Variants in TAF1 observed in about 807,000 individuals in gnomAD.
TAF1 encodes TATA-box binding protein associated factor 1, also known as transcription initiation factor TFIID subunit 1.
A neutral mutation model predicts 138.5 loss-of-function variants in TAF1; 2 were observed. The observed-to-expected ratio is 0.01, with a 90% CI of 0.01 to 0.05. The LOEUF (loss-of-function observed/expected upper bound fraction) is 0.05, where lower values mean the gene tolerates loss of function less well. TAF1 is among the 10% of genes least tolerant of loss of function. The pLI is 1.00. For synonymous variants in TAF1, 437 were observed against 503.2 expected, an observed-to-expected ratio of 0.87 and a Z score of 1.76; for missense variants, 709 against 1,478.0, an observed-to-expected ratio of 0.48 and a Z score of 8.53.
chrX:71,467,776 T>C (rs1263486443), downstream of TAF1, among the ~76,000 whole-genome samples: 2 of 111,871 alleles, frequency 1.8e-5, no homozygotes, highest in Non-Finnish European at 3.8e-5. Context: ...ATTCGTAACA[T>C]CACTAAGTGG....
At chrX:71,409,171 C>T (rs1263264814) in intron 28 of TAF1, among the ~76,000 whole-genome samples, 1 of 110,802 alleles carries the variant, frequency 9.0e-6, no homozygotes, top group Non-Finnish European at 1.9e-5. Context: ...GCTGAGAAGA[C>T]AAAGAGGAAG....
intron 23 of TAF1, 115 bp from the exon 24 acceptor site, chrX:71,398,452 TTTATC>T: frequency 5.1e-6 from 5 of 971,092 alleles, no homozygotes; most frequent in Non-Finnish European, 6.9e-6. Flanking sequence ...TGTAGCCCCT[TTTATC>T]TTAGCCTGGA....
At chrX:71,423,785 A>G (rs2036469398) in intron 30 of TAF1, among the ~76,000 whole-genome samples, 189 bp from the exon 31 acceptor site, 2 of 111,953 alleles carry the variant, frequency 1.8e-5, no homozygotes, top group Admixed American at 9.5e-5. Flanking sequence ...TTATCCTATC[A>G]TGGCATAGAA....
intron 32 of TAF1, among the ~76,000 whole-genome samples, chrX:71,425,930 A>G (rs1004392773): frequency 2.7e-5 from 3 of 110,996 alleles, no homozygotes; most frequent in African/African-American, 9.8e-5. Context: ...TTTTATTACT[A>G]TAAGCATGCA....
chrX:71,391,666 T>C (rs2034574212), intron 18 of TAF1, among the ~76,000 whole-genome samples: 2 of 102,880 alleles, frequency 1.9e-5, no homozygotes, highest in African/African-American at 3.6e-5. Flanking sequence ...TCTCACTCTG[T>C]CTCCCAGGCT....
At chrX:71,501,539 G>A (rs1286673153) in intron 13 of TAF1, among the ~76,000 whole-genome samples, 2 of 111,509 alleles carry the variant, frequency 1.8e-5, no homozygotes, top group Non-Finnish European at 3.8e-5. Flanking sequence ...ATAGATGGGC[G>A]AGTCTTGCTT....
At chrX:71,441,150 C>G (rs1291667564) in intron 32 of TAF1, among the ~76,000 whole-genome samples, 8 of 110,888 alleles carry the variant, frequency 7.2e-5, no homozygotes, top group Non-Finnish European at 1.5e-4. Context: ...ATCCTCCCAC[C>G]TCAGCCTCCC....
intron 24 of TAF1, among the ~76,000 whole-genome samples, chrX:71,399,632 C>T (rs770729627): frequency 6.1e-5 from 6 of 97,927 alleles, no homozygotes; most frequent in South Asian, 9.8e-4. Context: ...AGTGCAATGG[C>T]GCAATCTCAG....
chrX:71,379,596 CTTTTTT>C (rs10714417), intron 8 of TAF1, among the ~76,000 whole-genome samples: 1 of 57,591 alleles, frequency 1.7e-5, no homozygotes, highest in African/African-American at 6.0e-5. Context: ...TGATAAAGAT[CTTTTTT>C]TTTTTTTTTT....
chrX:71,469,692 A>ATTTTT (rs1441769197), downstream of TAF1, among the ~76,000 whole-genome samples: 1 of 109,922 alleles, frequency 9.1e-6, no homozygotes, highest in African/African-American at 3.3e-5. Flanking sequence ...ATACAGTTTT[A>ATTTTT]TTTTTTATTT....
chrX:71,396,506 G>A (rs774087085), intron 22 of TAF1, among the ~76,000 whole-genome samples: 5 of 108,350 alleles, frequency 4.6e-5, no homozygotes, highest in African/African-American at 6.7e-5. Flanking sequence ...TGACCAGGCT[G>A]GTCTCAAACT....
At chrX:71,391,933 A>G (rs2148366349) in intron 18 of TAF1, among the ~76,000 whole-genome samples, 1 of 109,653 alleles carries the variant, frequency 9.1e-6, no homozygotes, top group African/African-American at 3.3e-5. Flanking sequence ...GGCCTCATGT[A>G]CTCCTGACTG....
At chrX:71,425,986 G>A (rs1338641271) in intron 32 of TAF1, among the ~76,000 whole-genome samples, 1 of 109,958 alleles carries the variant, frequency 9.1e-6, no homozygotes, top group Non-Finnish European at 1.9e-5. Context: ...GGGGCTGGGT[G>A]CGGTAGCTCA....
At chrX:71,387,236 AT>A in intron 14 of TAF1, 24 bp from the exon 15 acceptor site, 1 of 1,208,625 alleles carries the variant, frequency 8.3e-7, no homozygotes, top group Non-Finnish European at 1.1e-6. Context: ...TCTGTATATA[AT>A]TTTTGTGTTT....
At chrX:71,506,938 A>C (rs934006543) in intron 13 of TAF1, among the ~76,000 whole-genome samples, 1 of 111,921 alleles carries the variant, frequency 8.9e-6, no homozygotes, top group African/African-American at 3.2e-5. Flanking sequence ...GATGAACCTC[A>C]AAAACGTGCT....
intron 13 of TAF1, among the ~76,000 whole-genome samples, chrX:71,483,778 C>CTATA (rs1486207258): frequency 0.024 from 1,275 of 53,945 alleles, 11 homozygotes; most frequent in Non-Finnish European, 0.032. Flanking sequence ...CTCTCTCTCT[C>CTATA]TCTATATATA....
intron 13 of TAF1, among the ~76,000 whole-genome samples, chrX:71,473,019 G>GT (rs1300051348): frequency 5.4e-5 from 6 of 111,599 alleles, no homozygotes; most frequent in African/African-American, 1.6e-4. Flanking sequence ...TTTAGAAAGG[G>GT]TTTTTTTTGT....
intron 29 of TAF1, among the ~76,000 whole-genome samples, chrX:71,421,942 C>T (rs2036365975): frequency 8.9e-6 from 1 of 111,916 alleles, no homozygotes; most frequent in Admixed American, 9.6e-5. Context: ...TGAGGAGATG[C>T]AAATTTAAAC....
At chrX:71,435,865 A>G (rs1236074027) in intron 32 of TAF1, among the ~76,000 whole-genome samples, 3 of 110,154 alleles carry the variant, frequency 2.7e-5, no homozygotes, top group Admixed American at 2.0e-4. Flanking sequence ...AGCAAACCAT[A>G]TTTTCTTCTA....
Sources: allele counts gnomAD v4.1 joint callset (sites outside exome capture counted in the v4.1 genomes callset), GRCh38; gene constraint gnomAD v4.1.1; transcripts MANE v1.5; gene names NCBI Gene and HGNC (gene_info 2026-07-23, HGNC 2026-07-21).